Variants in NECAB1 observed in about 807,000 individuals in gnomAD.
NECAB1 encodes the protein N-terminal EF-hand calcium binding protein 1.
NECAB1 carries 29 observed loss-of-function variants against 57.5 expected under a neutral mutation model. The observed-to-expected ratio is 0.50, with a 90% confidence interval of 0.38 to 0.69. The LOEUF (loss-of-function observed/expected upper bound fraction) is 0.69. Ranked by LOEUF, NECAB1 falls within the 30% of genes least tolerant of loss-of-function variation. NECAB1 has a pLI of 0.00. For missense variants in NECAB1, 372 were observed against 413.8 expected (o/e 0.90, Z 0.88); for synonymous variants, 142 against 147.7 (o/e 0.96, Z 0.28).
chr8:90,940,739 G>T, intron 9 of NECAB1, 47 bp from the exon 10 acceptor site: 1 of 1,428,832 alleles, frequency 7.0e-7, no homozygotes, highest in Non-Finnish European at 9.6e-7. Context: ...AGCTTAAATC[G>T]GGCTCCGTGA....
intron 4 of NECAB1, among the ~76,000 whole-genome samples, chr8:90,872,862 G>A (rs1344553875): frequency 1.3e-5 from 2 of 152,006 alleles, no homozygotes; most frequent in African/African-American, 2.4e-5. Context: ...ATTTAAGTTC[G>A]ATCTTATTGT....
chr8:90,808,970 T>G (rs1251823676), intron 2 of NECAB1, among the ~76,000 whole-genome samples: 2 of 152,100 alleles, frequency 1.3e-5, no homozygotes, highest in South Asian at 2.1e-4. Context: ...TTATTCTTAT[T>G]TGGCGGGACT....
chr8:90,818,778 G>T (rs913312759), intron 2 of NECAB1, among the ~76,000 whole-genome samples: 1 of 151,780 alleles, frequency 6.6e-6, no homozygotes, highest in African/African-American at 2.4e-5. Context: ...TCAGTGGTTT[G>T]GTTTCTGTCA....
intron 3 of NECAB1, among the ~76,000 whole-genome samples, chr8:90,834,032 G>A (rs527951333): frequency 2.0e-5 from 3 of 151,822 alleles, no homozygotes; most frequent in East Asian, 1.9e-4. Flanking sequence ...GCATGGTGGC[G>A]CATGCCTGTA....
intron 3 of NECAB1, among the ~76,000 whole-genome samples, chr8:90,845,217 T>G (rs564345135): frequency 1.1e-4 from 16 of 152,342 alleles, no homozygotes; most frequent in South Asian, 1.0e-3. Context: ...GAATAATGTT[T>G]GACCACATGT....
chr8:90,858,010 C>A (rs1290291747), intron 3 of NECAB1, among the ~76,000 whole-genome samples: 1 of 152,042 alleles, frequency 6.6e-6, no homozygotes, highest in Non-Finnish European at 1.5e-5. Context: ...TCTGAAACAT[C>A]ACTTGATTTT....
intron 3 of NECAB1, among the ~76,000 whole-genome samples, chr8:90,830,271 C>T (rs368713369): frequency 8.6e-5 from 13 of 151,988 alleles, no homozygotes; most frequent in African/African-American, 2.9e-4. Context: ...TAGCTTATAC[C>T]ATCTTCAACT....
At chr8:90,928,403 A>G (rs1810329318) in intron 8 of NECAB1, 104 bp downstream of exon 8, 2 of 768,240 alleles carry the variant, frequency 2.6e-6, no homozygotes, top group Non-Finnish European at 3.9e-6. Context: ...ATAGAATAAC[A>G]GCCAGGATCC....
At chr8:90,948,616 T>G (rs1810859846) in intron 10 of NECAB1, among the ~76,000 whole-genome samples, 1 of 152,228 alleles carries the variant, frequency 6.6e-6, no homozygotes, top group African/African-American at 2.4e-5. Context: ...CTTTCTAATA[T>G]GAATATATTA....
At chr8:90,938,461 G>A (rs1425667178) in intron 9 of NECAB1, among the ~76,000 whole-genome samples, 1 of 152,186 alleles carries the variant, frequency 6.6e-6, no homozygotes, top group East Asian at 1.9e-4. Flanking sequence ...TAACAAGATA[G>A]TAGGACTCCT....
At chr8:90,910,250 T>C (rs1809797112) in intron 5 of NECAB1, among the ~76,000 whole-genome samples, 1 of 152,126 alleles carries the variant, frequency 6.6e-6, no homozygotes, top group South Asian at 2.1e-4. Flanking sequence ...AAATACTTGG[T>C]TGCACTTGGG....
chr8:90,951,222 A>C lies in NECAB1; in HGVS notation c.1030+18A>C. 6.9e-7 allele frequency: 1 copy of C among 1,440,704 alleles called. No homozygotes were observed. The allele number at this position is 1,440,704 out of a possible 1,614,324, so 89.2% of individuals were successfully genotyped here. ...AGTTCCTGGTAATTATCCTGGGTTT[A>C]CAATGCTTCTGTGTCCTTTTGTATT... On this transcript the variant is annotated intron_variant, in intron 12 of 12. Coordinates refer to ENST00000417640, the MANE Select transcript of NECAB1 (RefSeq NM_022351.5).
chr8:90,870,405 A>G (rs1379055363), intron 3 of NECAB1, among the ~76,000 whole-genome samples: 2 of 152,236 alleles, frequency 1.3e-5, no homozygotes, highest in African/African-American at 4.8e-5. Context: ...AGGTTATCAT[A>G]TAAGGCCTTT....
chr8:90,958,929 A>C lies in NECAB1; in HGVS notation c.*3417A>C. The stretch of plus-strand genomic sequence containing the variant: ...AAAATTAAGAATAAATTGAATTGTC[A>C]CAGTCCATTACAGTTATTGTTGCTA... On this transcript the variant is annotated 3_prime_UTR_variant, in exon 13 of 13. Transcript: ENST00000417640. 1 of 789,384 alleles carries C rather than the reference A, an allele frequency of 1.3e-6. No individual in the cohort carries two copies. Among genetic ancestry groups the C allele is most frequent in the African/African-American group, 1.8e-5 (1 of 54,496 alleles). 48.9% of individuals were successfully genotyped at this position (789,384 alleles called of 1,614,324 possible).
intron 6 of NECAB1, among the ~76,000 whole-genome samples, chr8:90,921,078 G>A (rs1166089815): frequency 1.3e-5 from 2 of 152,118 alleles, no homozygotes; most frequent in African/African-American, 4.8e-5. Context: ...GTGCAGTGAT[G>A]CAATCTCAGC....
intron 3 of NECAB1, among the ~76,000 whole-genome samples, chr8:90,867,648 ATTTG>A (rs1481484491): frequency 1.3e-5 from 2 of 152,230 alleles, no homozygotes; most frequent in Admixed American, 6.5e-5. Context: ...AAATAGATTT[ATTTG>A]TTTATCAATT....
chr8:90,917,870 A>ATATATATATATATATATGTGTGTGTG (rs1554575432), intron 6 of NECAB1, among the ~76,000 whole-genome samples: 12 of 64,330 alleles, frequency 1.9e-4, no homozygotes, highest in East Asian at 1.1e-3. Flanking sequence ...ATATATATAT[A>ATATATATATATATATATGTGTGTGTG]TGTGTGTGTG....
intron 5 of NECAB1, among the ~76,000 whole-genome samples, chr8:90,886,936 C>T (rs1245752068): frequency 6.6e-6 from 1 of 151,988 alleles, no homozygotes; most frequent in Non-Finnish European, 1.5e-5. Context: ...AGGTTCAAAA[C>T]ATTTCTTGTT....
chr8:90,938,255 AC>A (rs1360724314), intron 9 of NECAB1, among the ~76,000 whole-genome samples: 1 of 152,170 alleles, frequency 6.6e-6, no homozygotes, highest in Non-Finnish European at 1.5e-5. Flanking sequence ...ATCCAGCCAT[AC>A]TTCTATTGCA....
Sources: gnomAD v4.1 joint callset for allele counts (sites outside exome capture counted in the v4.1 genomes callset) on GRCh38, gnomAD v4.1.1 for gene constraint, MANE v1.5 for transcripts, NCBI Gene and HGNC (gene_info 2026-07-23, HGNC 2026-07-21) for gene names.